Variants in EPHB1 observed in about 807,000 individuals in gnomAD.
EPHB1 encodes the protein ephrin type-B receptor 1.
A neutral mutation model predicts 94.4 loss-of-function variants in EPHB1; 30 were observed. The ratio of observed to expected loss-of-function variants is 0.32; its 90% CI spans 0.24 to 0.43. EPHB1 has a LOEUF of 0.43. EPHB1 is among the 20% of genes least tolerant of loss of function. The pLI is 1.00. For synonymous variants in EPHB1, 522 were observed against 489.1 expected, an observed-to-expected ratio of 1.07 and a Z score of -0.89; for missense variants, 1,055 against 1,308.3, an observed-to-expected ratio of 0.81 and a Z score of 2.99.
intron 2 of EPHB1, among the ~76,000 whole-genome samples, chr3:134,931,958 TATATGA>T (rs1335854598): frequency 6.6e-6 from 1 of 152,090 alleles, no homozygotes; most frequent in Non-Finnish European, 1.5e-5. Context: ...TGTATGAATA[TATATGA>T]ATGTATATAT....
rs1939131546 is a variant in EPHB1 at position 135,104,281 on chromosome 3, G to A, written c.806-2167G>A. The stretch of plus-strand genomic sequence containing the variant: ...AGGAGAGATATGGAAAGAAGAAAAG[G>A]AAAGAGGGAGAAATACAGAGAGAGG... On this transcript the variant is annotated intron_variant, in intron 3 of 15. Coordinates refer to ENST00000398015, the MANE Select transcript of EPHB1 (RefSeq NM_004441.5). Among the ~76,000 whole-genome samples, 2 of 152,214 alleles carry A rather than the reference G, an allele frequency of 1.3e-5. 1 individual carries two copies. Among genetic ancestry groups the A allele is most frequent in the South Asian group, 4.1e-4 (2 of 4,828 alleles).
intron 2 of EPHB1, among the ~76,000 whole-genome samples, chr3:134,929,358 C>T (rs1166128896): frequency 1.3e-5 from 2 of 152,136 alleles, no homozygotes; most frequent in African/African-American, 2.4e-5. Context: ...GGAACTGCTA[C>T]TGAGAGCTGC....
At chr3:134,861,063 G>A (rs924504513) in intron 1 of EPHB1, among the ~76,000 whole-genome samples, 3 of 152,146 alleles carry the variant, frequency 2.0e-5, no homozygotes, top group Non-Finnish European at 4.4e-5. Flanking sequence ...CAGGGCCCCA[G>A]GAGGAAACTG....
At chr3:135,123,605 G>A (rs945838160) in intron 4 of EPHB1, among the ~76,000 whole-genome samples, 1 of 152,032 alleles carries the variant, frequency 6.6e-6, no homozygotes, top group African/African-American at 2.4e-5. Context: ...ACCAGTGCTG[G>A]GCATGCATAC....
At chr3:135,106,206 AATT>A (rs1411364493) in intron 3 of EPHB1, among the ~76,000 whole-genome samples, 1 of 152,172 alleles carries the variant, frequency 6.6e-6, no homozygotes, top group Non-Finnish European at 1.5e-5. Context: ...GGAAGGGAAG[AATT>A]ATTATCCATT....
At chr3:134,906,157 TC>T (rs1040328558) in intron 1 of EPHB1, among the ~76,000 whole-genome samples, 4 of 152,196 alleles carry the variant, frequency 2.6e-5, no homozygotes, top group African/African-American at 9.6e-5. Flanking sequence ...AGGCCTGTGT[TC>T]CCCATGTTTA....
chr3:134,858,150 CATCATCATCAT>C, intron 1 of EPHB1, among the ~76,000 whole-genome samples: 1 of 19,220 alleles, frequency 5.2e-5, no homozygotes, highest in Admixed American at 4.4e-4. Flanking sequence ...TTTATTGTTC[CATCATCATCAT>C]CATCATCATC....
At chr3:135,111,665 T>C (rs1202416219) in intron 4 of EPHB1, among the ~76,000 whole-genome samples, 5 of 152,054 alleles carry the variant, frequency 3.3e-5, no homozygotes, top group Non-Finnish European at 7.4e-5. Context: ...CTGTTCTGGC[T>C]CAATTTCTAT....
At chr3:134,950,841 T>C (rs1933000320) in intron 2 of EPHB1, among the ~76,000 whole-genome samples, 1 of 152,122 alleles carries the variant, frequency 6.6e-6, no homozygotes, top group African/African-American at 2.4e-5. Flanking sequence ...TGAAAAAAAG[T>C]TTATGAGAAT....
chr3:135,150,927 C>T (rs1277600440), intron 5 of EPHB1, among the ~76,000 whole-genome samples: 1 of 152,208 alleles, frequency 6.6e-6, no homozygotes, highest in Admixed American at 6.5e-5. Flanking sequence ...CTAGAAATGT[C>T]TCCCTGTTCT....
intron 3 of EPHB1, among the ~76,000 whole-genome samples, chr3:135,019,688 T>C (rs967832434): frequency 9.2e-5 from 14 of 152,248 alleles, no homozygotes; most frequent in South Asian, 4.1e-4. Flanking sequence ...ATTGTGATCG[T>C]TTTCCCTATC....
intron 3 of EPHB1, among the ~76,000 whole-genome samples, chr3:135,104,156 G>A (rs1032160385): frequency 1.3e-5 from 2 of 152,320 alleles, no homozygotes; most frequent in East Asian, 3.9e-4. Flanking sequence ...AGGCAGCACA[G>A]GCCTGGGATT....
chr3:135,250,291 CTG>C (rs1227274811), intron 15 of EPHB1, among the ~76,000 whole-genome samples: 1 of 152,138 alleles, frequency 6.6e-6, no homozygotes, highest in Non-Finnish European at 1.5e-5. Flanking sequence ...TTTTATAGAA[CTG>C]TAGTCTGGGA....
chr3:135,025,313 A>C (rs1936123196), intron 3 of EPHB1, among the ~76,000 whole-genome samples: 5 of 121,892 alleles, frequency 4.1e-5, no homozygotes, highest in Admixed American at 1.8e-4. Context: ...TGCACCCACT[A>C]ACTCGTCATC....
At chr3:134,813,117 A>T (rs1001510965) in intron 1 of EPHB1, among the ~76,000 whole-genome samples, 1 of 152,024 alleles carries the variant, frequency 6.6e-6, no homozygotes, top group Non-Finnish European at 1.5e-5. Flanking sequence ...TCTTCTCAAC[A>T]TGGATGGTGG....
At chr3:134,928,062 A>G (rs1396699586) in intron 2 of EPHB1, among the ~76,000 whole-genome samples, 8 of 152,210 alleles carry the variant, frequency 5.3e-5, no homozygotes, top group Non-Finnish European at 7.3e-5. Context: ...TCAGACTCAC[A>G]TGTCTAGCTG....
chr3:134,940,044 T>TCAGAGGAAGCCCTGGAGATTCC (rs1390025967), intron 2 of EPHB1, among the ~76,000 whole-genome samples: 1 of 152,082 alleles, frequency 6.6e-6, no homozygotes, highest in Non-Finnish European at 1.5e-5. Flanking sequence ...ATGAAACAGC[T>TCAGAGGAAGCCCTGGAGATTCC]CAGAGGAAGC....
At chr3:135,156,535 G>A (rs1323176055) in intron 6 of EPHB1, among the ~76,000 whole-genome samples, 1 of 152,216 alleles carries the variant, frequency 6.6e-6, no homozygotes. Flanking sequence ...TAGAATGGTA[G>A]CAGTTTACCT....
intron 15 of EPHB1, among the ~76,000 whole-genome samples, chr3:135,255,517 T>G (rs1452108044): frequency 3.1e-4 from 46 of 146,794 alleles, no homozygotes; most frequent in East Asian, 1.6e-3. Context: ...TTCCATGTAG[T>G]TGAGCGGTTT....
Sources: allele counts gnomAD v4.1 joint callset (sites outside exome capture counted in the v4.1 genomes callset), GRCh38; gene constraint gnomAD v4.1.1; transcripts MANE v1.5; gene names NCBI Gene and HGNC (gene_info 2026-07-23, HGNC 2026-07-21).